Variants in EVI5 observed in about 807,000 individuals in gnomAD.
The protein encoded by EVI5 is ecotropic viral integration site 5, also known as ecotropic viral integration site 5 protein homolog.
In EVI5, 73 loss-of-function variants were observed where a neutral mutation model predicts 112.0. The observed-to-expected ratio is 0.65, with a 90% confidence interval of 0.54 to 0.79. EVI5 has a LOEUF of 0.79. Ranked by LOEUF, EVI5 falls within the 30% of genes least tolerant of loss-of-function variation. The pLI, the probability that EVI5 is intolerant of heterozygous loss-of-function variation, is 0.00. For synonymous variants in EVI5, 305 were observed against 319.9 expected (o/e 0.95, Z 0.50); for missense variants, 900 against 968.8 (o/e 0.93, Z 0.94).
intron 19 of EVI5, among the ~76,000 whole-genome samples, chr1:92,556,742 A>T (rs1369179518): frequency 1.3e-5 from 2 of 152,320 alleles, no homozygotes; most frequent in East Asian, 3.9e-4. Flanking sequence ...TTAAATCCAT[A>T]GCTCAGGTTT....
chr1:92,784,855 C>T lies in EVI5; in HGVS notation c.-101G>A. 1 of 985,712 alleles carries T rather than the reference C, an allele frequency of 1.0e-6. No individual in the cohort carries two copies. The highest frequency in any genetic ancestry group is 1.7e-5 in the African/African-American group (1 of 57,306). 61.1% of individuals were successfully genotyped at this position (985,712 alleles called of 1,614,324 possible). On this transcript the variant is annotated 5_prime_UTR_variant, in exon 1 of 20. Coordinates refer to ENST00000684568, the MANE Select transcript of EVI5 (RefSeq NM_001350197.2). ...CCTCACCTTGGAAACGTTGAGTAGA[C>T]TTCGCCGTAAACATTAACTTCCCAT...
At chr1:92,760,866 C>A (rs1443559878) in intron 1 of EVI5, among the ~76,000 whole-genome samples, 1 of 151,908 alleles carries the variant, frequency 6.6e-6, no homozygotes, top group African/African-American at 2.4e-5. Flanking sequence ...ACCATCCTGG[C>A]TAATACGGTG....
intron 19 of EVI5, among the ~76,000 whole-genome samples, chr1:92,546,742 GA>G (rs1321714838): frequency 1.3e-5 from 2 of 151,960 alleles, no homozygotes; most frequent in African/African-American, 4.8e-5. Context: ...AAGATCAAAA[GA>G]GACAAAGAAG....
intron 1 of EVI5, among the ~76,000 whole-genome samples, chr1:92,778,958 G>A (rs189627068): frequency 3.3e-5 from 5 of 152,118 alleles, no homozygotes; most frequent in Admixed American, 6.5e-5. Flanking sequence ...AGATTCTGAC[G>A]TATTAGCAGC....
upstream of EVI5, among the ~76,000 whole-genome samples, chr1:92,788,805 C>T (rs994143378): frequency 1.3e-5 from 2 of 151,828 alleles, no homozygotes; most frequent in Non-Finnish European, 2.9e-5. Context: ...ACAGCAACAA[C>T]AACAACAAAA....
At chr1:92,761,983 T>C (rs983662210) in intron 1 of EVI5, among the ~76,000 whole-genome samples, 6 of 152,276 alleles carry the variant, frequency 3.9e-5, no homozygotes, top group Non-Finnish European at 5.9e-5. Context: ...TTTTAAAACA[T>C]ATCCAAAAAG....
At chr1:92,647,959 G>A (rs1661282062) in intron 13 of EVI5, among the ~76,000 whole-genome samples, 1 of 150,822 alleles carries the variant, frequency 6.6e-6, no homozygotes, top group Admixed American at 6.6e-5. Context: ...TGGCCAAGCT[G>A]GTCTCAAACT....
chr1:92,700,244 AATGCAGACAAT>A (rs1387569418), intron 5 of EVI5, among the ~76,000 whole-genome samples: 1 of 152,222 alleles, frequency 6.6e-6, no homozygotes, highest in African/African-American at 2.4e-5. Context: ...GCAAAGGTCT[AATGCAGACAAT>A]ATACCTAATA....
At chr1:92,589,670 G>A (rs1464535850) in intron 18 of EVI5, among the ~76,000 whole-genome samples, 2 of 152,214 alleles carry the variant, frequency 1.3e-5, no homozygotes, top group Non-Finnish European at 2.9e-5. Context: ...GCCTGCCTCT[G>A]TAGACTCCAC....
intron 13 of EVI5, among the ~76,000 whole-genome samples, chr1:92,646,303 T>C (rs891756981): frequency 6.6e-6 from 1 of 152,242 alleles, no homozygotes; most frequent in African/African-American, 2.4e-5. Flanking sequence ...TGAACTTTCA[T>C]TGATGCAGTG....
chr1:92,692,100 A>C (rs781682878), intron 9 of EVI5, among the ~76,000 whole-genome samples: 1 of 152,224 alleles, frequency 6.6e-6, no homozygotes, highest in Non-Finnish European at 1.5e-5. Flanking sequence ...TTCATATCAG[A>C]AGAAGGCTTT....
intron 16 of EVI5, among the ~76,000 whole-genome samples, chr1:92,620,541 C>T (rs1207635065): frequency 6.6e-6 from 1 of 151,440 alleles, no homozygotes; most frequent in African/African-American, 2.4e-5. Flanking sequence ...AAATACATTA[C>T]ATGTTGAGGA....
At chr1:92,675,611 T>C (rs1157321996) in intron 10 of EVI5, among the ~76,000 whole-genome samples, 1 of 152,060 alleles carries the variant, frequency 6.6e-6, no homozygotes, top group African/African-American at 2.4e-5. Context: ...CTCATCAGGA[T>C]GACGTACTTT....
chr1:92,642,118 G>A lies in EVI5; in HGVS notation c.1393-5782C>T, dbSNP rs573803673. Among the ~76,000 whole-genome samples, 8 of 151,816 alleles carry A rather than the reference G, an allele frequency of 5.3e-5. No individual in the cohort carries two copies. The East Asian group carries it at 1.2e-3, about 22-fold the overall frequency. On this transcript the variant is annotated intron_variant, in intron 13 of 19. Transcript: ENST00000684568. ...TGCACTCCAGCCTGGGCAACAGAGCGATACTCCATCCCAAAAAAAAAAAAT... is the reference window on the plus strand; with the variant it reads ...TGCACTCCAGCCTGGGCAACAGAGCAATACTCCATCCCAAAAAAAAAAAAT...
chr1:92,521,122 T>C (rs1346816273), intron 19 of EVI5, among the ~76,000 whole-genome samples: 1 of 151,748 alleles, frequency 6.6e-6, no homozygotes, highest in Non-Finnish European at 1.5e-5. Flanking sequence ...CCACCACACC[T>C]GGCTAATTTG....
At chr1:92,780,080 C>A (rs1684669954) in intron 1 of EVI5, among the ~76,000 whole-genome samples, 1 of 152,194 alleles carries the variant, frequency 6.6e-6, no homozygotes, top group Admixed American at 6.5e-5. Flanking sequence ...ATAAATGAAT[C>A]AAAGGGGCAA....
rs773081130 is a variant in EVI5 at position 92,703,534 on chromosome 1, T to C, written c.425A>G (p.Asp142Gly). 4 of 1,602,736 alleles carry C rather than the reference T, an allele frequency of 2.5e-6. No individual in the cohort carries two copies. The South Asian group carries it at 4.5e-5, about 18-fold the overall frequency. ...LCSAQSMPIK[D>G]QYSELLKMTS... ...CATTTTCAGGAGTTCTGAATACTGA[T>C]CCTTAATTGGCATACTTTGTGCACT... is the stretch of plus-strand genomic sequence containing the variant. The change falls in exon 4 of 20, where the codon GAT (aspartate) becomes GGT (glycine). Residue 142 changes from aspartate to glycine, a missense_variant. Asp to Gly is a moderately conservative substitution (Grantham distance 94). Transcript: ENST00000684568.
intron 1 of EVI5, chr1:92,756,461 T>C (rs1488908412): frequency 1.9e-6 from 1 of 539,840 alleles, no homozygotes; most frequent in African/African-American, 1.9e-5. Context: ...ACTTCGTCTT[T>C]CTCCAACATG....
intron 18 of EVI5, among the ~76,000 whole-genome samples, chr1:92,598,763 G>A (rs886977345): frequency 6.6e-6 from 1 of 152,066 alleles, no homozygotes; most frequent in African/African-American, 2.4e-5. Flanking sequence ...TTCATTTAGA[G>A]AAGAAAACTA....
Sources: gnomAD v4.1 joint callset for allele counts (sites outside exome capture counted in the v4.1 genomes callset) on GRCh38, gnomAD v4.1.1 for gene constraint, MANE v1.5 for transcripts, NCBI Gene and HGNC (gene_info 2026-07-23, HGNC 2026-07-21) for gene names.